ZFPM2: variants seen among roughly 807,000 people sequenced by gnomAD.
ZFPM2 encodes zinc finger protein, FOG family member 2.
ZFPM2 carries 20 observed loss-of-function variants against 98.6 expected under a neutral mutation model. The ratio of observed to expected loss-of-function variants is 0.20; its 90% CI spans 0.14 to 0.29. ZFPM2 has a LOEUF of 0.29. Among genes scored for constraint, ZFPM2 ranks in the 10% least tolerant of loss-of-function variants. ZFPM2 has a pLI of 1.00. For missense variants in ZFPM2, 1,310 were observed against 1,388.6 expected, an observed-to-expected ratio of 0.94 and a Z score of 0.90; for synonymous variants, 518 against 502.7, an observed-to-expected ratio of 1.03 and a Z score of -0.41.
At chr8:105,329,183 T>TTG (rs1400302151) in intron 1 of ZFPM2, among the ~76,000 whole-genome samples, 1 of 151,778 alleles carries the variant, frequency 6.6e-6, no homozygotes, top group East Asian at 1.9e-4. Flanking sequence ...CACAGGCAGT[T>TTG]GACAGTTAGT....
intron 1 of ZFPM2, among the ~76,000 whole-genome samples, chr8:105,390,524 G>GT (rs767771688): frequency 3.2e-4 from 48 of 152,244 alleles, no homozygotes; most frequent in Non-Finnish European, 5.7e-4. Flanking sequence ...CTTTGTTGGT[G>GT]TTTCTTTACA....
intron 3 of ZFPM2, among the ~76,000 whole-genome samples, chr8:105,545,006 A>G (rs1405365067): frequency 1.3e-5 from 2 of 152,024 alleles, no homozygotes; most frequent in Admixed American, 6.6e-5. Flanking sequence ...TAAAAATGTT[A>G]TTTTTTCCTG....
At chr8:105,471,860 A>G (rs1563674659) in intron 3 of ZFPM2, among the ~76,000 whole-genome samples, 1 of 152,088 alleles carries the variant, frequency 6.6e-6, no homozygotes, top group Non-Finnish European at 1.5e-5. Flanking sequence ...GGAGACCTGC[A>G]TGGTCTCCTT....
In ZFPM2 at chr8:105,406,292, T is replaced by C. The variant is rs1459138927; in HGVS notation, c.41-12852T>C. ...GCTCTTTAGTTTAATTAGATCCCAA[T>C]TGTCAATTTTGGCTTTTGTTGCCAT... On this transcript the variant is annotated intron_variant, in intron 1 of 7. Coordinates refer to ENST00000407775, the MANE Select transcript of ZFPM2 (RefSeq NM_012082.4). Among the ~76,000 whole-genome samples, 45 of 152,112 alleles carry C rather than the reference T, an allele frequency of 3.0e-4. 1 individual carries two copies. The highest frequency in any genetic ancestry group is 2.9e-3 in the Admixed American group (45 of 15,260).
chr8:105,464,645 G>A (rs1279150021), intron 3 of ZFPM2, among the ~76,000 whole-genome samples: 1 of 151,928 alleles, frequency 6.6e-6, no homozygotes, highest in Non-Finnish European at 1.5e-5. Flanking sequence ...TTTAATGGTG[G>A]GGTGGATTAT....
chr8:105,632,450 G>T (rs1221874635), intron 4 of ZFPM2, among the ~76,000 whole-genome samples: 1 of 152,096 alleles, frequency 6.6e-6, no homozygotes, highest in African/African-American at 2.4e-5. Context: ...GATTGTAGGA[G>T]TGAGCCACCA....
chr8:105,330,985 G>T (rs1812221854), intron 1 of ZFPM2, among the ~76,000 whole-genome samples: 1 of 150,854 alleles, frequency 6.6e-6, no homozygotes, highest in African/African-American at 2.4e-5. Flanking sequence ...GTGTATCTGT[G>T]AACAACTCTC....
intron 3 of ZFPM2, among the ~76,000 whole-genome samples, chr8:105,542,850 T>A (rs1250389514): frequency 6.6e-6 from 1 of 152,170 alleles, no homozygotes; most frequent in African/African-American, 2.4e-5. Context: ...GATAGTGACA[T>A]TTATGCCATA....
At chr8:105,416,854 A>G (rs1811689273) in intron 1 of ZFPM2, among the ~76,000 whole-genome samples, 1 of 152,174 alleles carries the variant, frequency 6.6e-6, no homozygotes, top group Non-Finnish European at 1.5e-5. Flanking sequence ...TTTAAAGACT[A>G]GATCATAAGC....
intron 5 of ZFPM2, among the ~76,000 whole-genome samples, chr8:105,772,039 A>T (rs930711235): frequency 7.2e-6 from 1 of 139,828 alleles, no homozygotes; most frequent in African/African-American, 2.9e-5. Flanking sequence ...CAACATGTTT[A>T]TTACACACAA....
intron 5 of ZFPM2, among the ~76,000 whole-genome samples, chr8:105,740,768 A>G (rs566972369): frequency 6.6e-6 from 1 of 152,006 alleles, no homozygotes; most frequent in East Asian, 1.9e-4. Flanking sequence ...AGGAGTTTAT[A>G]CTCCAATAGG....
chr8:105,694,956 A>G (rs541471825), intron 5 of ZFPM2, among the ~76,000 whole-genome samples: 1 of 152,270 alleles, frequency 6.6e-6, no homozygotes, highest in East Asian at 1.9e-4. Context: ...ATATGACTCA[A>G]ATATATTATG....
chr8:105,537,375 T>C (rs1814475231), intron 3 of ZFPM2, among the ~76,000 whole-genome samples: 1 of 152,180 alleles, frequency 6.6e-6, no homozygotes, highest in South Asian at 2.1e-4. Flanking sequence ...GACAGCTTCA[T>C]TGAAATCTTA....
chr8:105,658,395 T>C lies in ZFPM2; in HGVS notation c.532+24038T>C, dbSNP rs539723776. Among the ~76,000 whole-genome samples the C allele has an allele frequency of 3.6e-4, 17 of 46,810 alleles. 5 individuals carry two copies. Among genetic ancestry groups the C allele is most frequent in the Non-Finnish European group, 5.6e-4 (13 of 23,336 alleles). 30.7% of individuals were successfully genotyped at this position (46,810 alleles called of 152,430 possible). A position where few individuals can be genotyped will look rare whatever the true frequency, so the allele number is the denominator to read the frequency against. On this transcript the variant is annotated intron_variant, in intron 5 of 7. Coordinates refer to ENST00000407775, the MANE Select transcript of ZFPM2 (RefSeq NM_012082.4). ...CGAGGTCAGGAGATCGAGACCATCC[T>C]GGCTAACACGGTGAAACCCCGTCTC...
At chr8:105,397,352 C>T (rs1341100723) in intron 1 of ZFPM2, among the ~76,000 whole-genome samples, 2 of 151,896 alleles carry the variant, frequency 1.3e-5, no homozygotes, top group South Asian at 4.2e-4. Flanking sequence ...CTATAAATAC[C>T]TAATAAATAT....
At chr8:105,709,211 A>C (rs1246221433) in intron 5 of ZFPM2, among the ~76,000 whole-genome samples, 1 of 152,150 alleles carries the variant, frequency 6.6e-6, no homozygotes, top group Non-Finnish European at 1.5e-5. Flanking sequence ...TTTGCCTTTG[A>C]TTTAAAGTAA....
At chr8:105,743,591 C>T (rs1427323083) in intron 5 of ZFPM2, among the ~76,000 whole-genome samples, 3 of 151,988 alleles carry the variant, frequency 2.0e-5, no homozygotes, top group South Asian at 4.2e-4. Flanking sequence ...ACATGAATCA[C>T]CCAGATCTCT....
At chr8:105,800,171 A>G (rs1421307362) in intron 7 of ZFPM2, among the ~76,000 whole-genome samples, 4 of 152,202 alleles carry the variant, frequency 2.6e-5, no homozygotes, top group Admixed American at 1.3e-4. Context: ...TTATGACTAC[A>G]GGACTAGGTA....
intron 5 of ZFPM2, among the ~76,000 whole-genome samples, chr8:105,706,458 T>G (rs1811266449): frequency 6.6e-6 from 1 of 152,222 alleles, no homozygotes; most frequent in Non-Finnish European, 1.5e-5. Flanking sequence ...TAAACATTCC[T>G]CATTTTATTT....
Sources: gnomAD v4.1 joint callset for allele counts (sites outside exome capture counted in the v4.1 genomes callset) on GRCh38, gnomAD v4.1.1 for gene constraint, MANE v1.5 for transcripts, NCBI Gene and HGNC (gene_info 2026-07-23, HGNC 2026-07-21) for gene names.